The following ANKRD18B variants were observed in gnomAD, a reference collection of about 807,000 sequenced individuals.
ANKRD18B encodes the protein ankyrin repeat domain-containing protein 18B.
Under a neutral mutation model 111.8 loss-of-function variants are expected in ANKRD18B, and 75 were observed. The ratio of observed to expected loss-of-function variants is 0.67; its 90% CI spans 0.56 to 0.81. ANKRD18B has a LOEUF of 0.81. ANKRD18B is among the 40% of genes least tolerant of loss of function. The pLI is 0.00. For synonymous variants in ANKRD18B, 356 were observed against 417.3 expected (o/e 0.85, Z 1.79); for missense variants, 1,038 against 1,225.5 (o/e 0.85, Z 2.28).
At chr9:33,563,237 A>C (rs1325904148) in intron 14 of ANKRD18B, among the ~76,000 whole-genome samples, 2 of 152,112 alleles carry the variant, frequency 1.3e-5, no homozygotes, top group African/African-American at 2.4e-5. Flanking sequence ...TTTTCTAACA[A>C]TTACCCAGAG....
At chr9:33,563,790 A>G (rs1828646367) in intron 14 of ANKRD18B, among the ~76,000 whole-genome samples, 1 of 151,856 alleles carries the variant, frequency 6.6e-6, no homozygotes, top group Admixed American at 6.6e-5. Context: ...TGAATTGTGA[A>G]CATTCAAAAT....
At chr9:33,563,967 C>A (rs143471016) in intron 14 of ANKRD18B, among the ~76,000 whole-genome samples, 13,149 of 152,204 alleles carry the variant, frequency 0.086, 598 homozygotes, top group South Asian at 0.098. Context: ...GAGACAGGGT[C>A]TTGCTAGTGT....
intron 14 of ANKRD18B, among the ~76,000 whole-genome samples, chr9:33,561,025 T>C (rs1828599644): frequency 6.6e-6 from 1 of 152,210 alleles, no homozygotes; most frequent in African/African-American, 2.4e-5. Flanking sequence ...TGCTTGCATA[T>C]GTTTTTATTT....
rs774545577 is a variant in ANKRD18B at position 33,543,251 on chromosome 9, C to T, written c.1145C>T (p.Pro382Leu). 79 of 1,548,900 alleles carry T rather than the reference C, an allele frequency of 5.1e-5. No homozygotes were observed. The highest frequency in any genetic ancestry group is 6.5e-5 in the Non-Finnish European group (75 of 1,145,322). Residue 382 changes from proline to leucine, a missense_variant, in exon 10 of 19, where the codon CCG becomes CTG. Physicochemically the swap from Pro to Leu is moderately conservative, Grantham distance 98. Coordinates refer to ENST00000684830, the MANE Select transcript of ANKRD18B (RefSeq NM_001393611.1). ...ERLERSENKQ[P>L]QDSQSYGKKK... ...CTTGAAAGAAGTGAAAATAAACAGC[C>T]GCAGGTATATAACAATTTAAATTTC...
In ANKRD18B at chr9:33,548,233, A is replaced by G. The variant is rs1446977863; in HGVS notation, c.1445A>G (p.Asn482Ser). 18 of 1,551,132 alleles carry G rather than the reference A, an allele frequency of 1.2e-5. No individual in the cohort carries two copies. Among genetic ancestry groups the G allele is most frequent in the Non-Finnish European group, 1.6e-5 (18 of 1,146,658 alleles). The change falls in exon 11 of 19, where the codon AAC becomes AGC. Residue 482 changes from asparagine to serine, a missense_variant. Coordinates refer to ENST00000684830, the MANE Select transcript of ANKRD18B (RefSeq NM_001393611.1). Reference sequence around the variant, plus strand: ...TCAAAATTGGAGAAGGAAAAACACAACAAAGAAAGACTAGAAGCTGAAGTT... The same window carrying G: ...TCAAAATTGGAGAAGGAAAAACACAGCAAAGAAAGACTAGAAGCTGAAGTT... The part of the protein sequence containing the change: ...LNSKLEKEKH[N>S]KERLEAEVES...
intron 11 of ANKRD18B, among the ~76,000 whole-genome samples, chr9:33,550,144 C>T (rs1336870174): frequency 6.6e-6 from 1 of 152,142 alleles, no homozygotes; most frequent in East Asian, 1.9e-4. Context: ...AGGATTTCAA[C>T]AGGTGACTGA....
At position 33,549,530 on chromosome 9, in the gene ANKRD18B, A is replaced by G. The variant is rs149765363; in HGVS notation, c.2067+675A>G. ...ATGTGTATTTTGAAATTCAGATTCAATTAAGTGAGCCGCTTTGACACTTAG... is the reference window on the plus strand; with the variant it reads ...ATGTGTATTTTGAAATTCAGATTCAGTTAAGTGAGCCGCTTTGACACTTAG... On this transcript the variant is annotated intron_variant, in intron 11 of 18. Transcript: ENST00000684830. 3.1e-3 allele frequency among the ~76,000 whole-genome samples: 468 copies of G among 152,290 alleles called. 5 individuals carry two copies. The highest frequency in any genetic ancestry group is 0.011 in the African/African-American group (453 of 41,570).
chr9:33,529,978 A>C (rs1416599217), intron 3 of ANKRD18B, among the ~76,000 whole-genome samples: 14 of 152,196 alleles, frequency 9.2e-5, no homozygotes, highest in Non-Finnish European at 1.6e-4. Context: ...TCTTGATGGG[A>C]ATGTGGGAGA....
chr9:33,525,327 T>G (rs1354158856), intron 1 of ANKRD18B, among the ~76,000 whole-genome samples: 1 of 152,176 alleles, frequency 6.6e-6, no homozygotes, highest in Non-Finnish European at 1.5e-5. Context: ...AATTATTTAC[T>G]AACAGCTACA....
rs1313765752 is a variant in ANKRD18B at position 33,524,551 on chromosome 9, A to G, written c.62A>G (p.Gln21Arg). Residue 21 changes from glutamine to arginine, a missense_variant, in exon 1 of 19, where the codon CAA becomes CGA. Physicochemically the swap from Gln to Arg is conservative, Grantham distance 43. Around this residue, in one of 4 missense-constraint regions of ANKRD18B, gnomAD observed 216 missense variants for 205.1 expected, o/e 1.05. Transcript: ENST00000684830. ...CAGGCGCTCCTGAGCTCCATGGACCAAGAGTATGCGGGTCGGGGGTACCAC... is the reference window on the plus strand; with the variant it reads ...CAGGCGCTCCTGAGCTCCATGGACCGAGAGTATGCGGGTCGGGGGTACCAC... The part of the protein sequence containing the change: ...LGQALLSSMD[Q>R]EYAGRGYHIR... 9.0e-6 allele frequency: 14 copies of G among 1,551,420 alleles called. No individual in the cohort carries two copies. Among genetic ancestry groups the G allele is most frequent in the Non-Finnish European group, 1.1e-5 (13 of 1,146,804 alleles).
chr9:33,533,798 T>C (rs544964037), intron 4 of ANKRD18B: 3 of 680,302 alleles, frequency 4.4e-6, no homozygotes, highest in South Asian at 1.4e-4. Flanking sequence ...TGTAATCTTA[T>C]ATTAGCTAAA....
At position 33,567,238 on chromosome 9, in the gene ANKRD18B, A is replaced by G. The variant is rs979432969; in HGVS notation, c.2878A>G (p.Thr960Ala). Residue 960 changes from threonine (T) to alanine (A), a missense_variant, in exon 16 of 19, where the codon ACT becomes GCT. By Grantham distance (58) the Thr-to-Ala change is moderately conservative (BLOSUM62 0). Around this residue, in one of 4 missense-constraint regions of ANKRD18B, gnomAD observed 524 missense variants for 677.9 expected, o/e 0.77. Coordinates refer to ENST00000684830, the MANE Select transcript of ANKRD18B (RefSeq NM_001393611.1). ...KMKTAYEDVT[T>A]ELEEYKEAFA... The stretch of plus-strand genomic sequence containing the variant: ...GAAAACAGCTTATGAAGATGTTACA[A>G]CTGAATTAGAAGAGTATAAGGAAGC... The G allele has an allele frequency of 1.9e-6, 3 of 1,550,118 alleles. No homozygotes were observed. Among genetic ancestry groups the G allele is most frequent in the Middle Eastern group, 1.7e-4 (1 of 5,994 alleles).
chr9:33,570,188 C>G (rs1347102184), intron 17 of ANKRD18B, among the ~76,000 whole-genome samples: 3 of 152,146 alleles, frequency 2.0e-5, no homozygotes, highest in Non-Finnish European at 4.4e-5. Flanking sequence ...CCTAAGCAAA[C>G]TAACGCAGAA....
intron 14 of ANKRD18B, among the ~76,000 whole-genome samples, chr9:33,564,409 G>A (rs536586315): frequency 6.6e-6 from 1 of 152,322 alleles, no homozygotes; most frequent in Non-Finnish European, 1.5e-5. Context: ...ATTCCATTGT[G>A]TATGTGTACC....
intron 10 of ANKRD18B, among the ~76,000 whole-genome samples, chr9:33,547,236 T>A (rs1260966848): frequency 6.6e-6 from 1 of 152,164 alleles, no homozygotes; most frequent in Non-Finnish European, 1.5e-5. Context: ...GTAACTGTGA[T>A]CTGATGGAGA....
At chr9:33,553,558 G>C (rs1286806287) in intron 12 of ANKRD18B, among the ~76,000 whole-genome samples, 1 of 152,054 alleles carries the variant, frequency 6.6e-6, no homozygotes, top group Non-Finnish European at 1.5e-5. Context: ...AGACTACCTG[G>C]ATTAAGACAT....
At chr9:33,524,806 A>G in intron 1 of ANKRD18B, 111 bp downstream of exon 1, 1 of 1,298,548 alleles carries the variant, frequency 7.7e-7, no homozygotes, top group South Asian at 1.5e-5. Context: ...GCGGAGCCAA[A>G]TGGAGCCTCA....
At chr9:33,564,814 AT>A (rs1828661650) in intron 14 of ANKRD18B, among the ~76,000 whole-genome samples, 1 of 152,062 alleles carries the variant, frequency 6.6e-6, no homozygotes, top group African/African-American at 2.4e-5. Context: ...ACATTTTTAA[AT>A]GTATTTATTG....
intron 12 of ANKRD18B, among the ~76,000 whole-genome samples, chr9:33,552,731 A>C (rs893761309): frequency 6.6e-6 from 1 of 151,448 alleles, no homozygotes; most frequent in Non-Finnish European, 1.5e-5. Context: ...TAACACATAC[A>C]ATGGTCAAGA....
Sources: allele counts gnomAD v4.1 joint callset (sites outside exome capture counted in the v4.1 genomes callset), GRCh38; gene constraint gnomAD v4.1.1; regional missense constraint gnomAD v4.1.1; transcripts MANE v1.5; gene names NCBI Gene and HGNC (gene_info 2026-07-23, HGNC 2026-07-21).